Variants in C8orf34 observed in about 807,000 individuals in gnomAD.
C8orf34 encodes the protein chromosome 8 open reading frame 34.
A neutral mutation model predicts 68.3 loss-of-function variants in C8orf34; 65 were observed. The ratio of observed to expected loss-of-function variants is 0.95; its 90% CI spans 0.78 to 1.17. The LOEUF (loss-of-function observed/expected upper bound fraction) is 1.17, where lower values mean the gene tolerates loss of function less well. Among genes scored for constraint, C8orf34 ranks in the 50% most tolerant of loss-of-function variants. The pLI is 0.00. For missense variants in C8orf34, 664 were observed against 655.4 expected (o/e 1.01, Z -0.14); for synonymous variants, 244 against 241.2 (o/e 1.01, Z -0.11).
At chr8:68,550,414 G>A (rs1227085120) in intron 7 of C8orf34, among the ~76,000 whole-genome samples, 1 of 151,442 alleles carries the variant, frequency 6.6e-6, no homozygotes, top group African/African-American at 2.4e-5. Flanking sequence ...TTGTATTATT[G>A]CCATCATTTA....
rs35661495 is a variant in C8orf34 at position 68,466,738 on chromosome 8, C to CATATATATATATATATATAT, written c.608-1946_608-1927dup. ...TTCTGTGAAAATAAACAACGTTGTA[C>CATATATATATATATATATAT]ATATATATATATATATATATATATA... On this transcript the variant is annotated intron_variant, in intron 3 of 13. Coordinates refer to ENST00000518698, the MANE Select transcript of C8orf34 (RefSeq NM_052958.4). 1.1e-3 allele frequency among the ~76,000 whole-genome samples: 134 copies of CATATATATATATATATATAT among 120,526 alleles called. 1 individual carries two copies. Among genetic ancestry groups the CATATATATATATATATATAT allele is most frequent in the African/African-American group, 1.7e-3 (45 of 27,170 alleles). The allele number at this position is 120,526 out of a possible 152,430, so 79.1% of individuals were successfully genotyped here. A position where few individuals can be genotyped will look rare whatever the true frequency, so the allele number is the denominator to read the frequency against.
intron 8 of C8orf34, among the ~76,000 whole-genome samples, chr8:68,647,258 T>G (rs138545792): frequency 3.3e-5 from 5 of 152,136 alleles, no homozygotes; most frequent in African/African-American, 1.2e-4. Context: ...GCCTAACACC[T>G]GATAGAATGG....
chr8:68,333,714 A>C (rs1805728689), intron 1 of C8orf34, among the ~76,000 whole-genome samples: 1 of 152,210 alleles, frequency 6.6e-6, no homozygotes, highest in South Asian at 2.1e-4. Flanking sequence ...CAGCAATCTG[A>C]ACATATTTAG....
chr8:68,509,352 C>T (rs543477108), intron 5 of C8orf34, among the ~76,000 whole-genome samples: 3 of 152,190 alleles, frequency 2.0e-5, no homozygotes, highest in South Asian at 2.1e-4. Context: ...GAGCTAAGGA[C>T]AGCTCAAAAA....
At chr8:68,741,337 T>G (rs1386772251) in intron 10 of C8orf34, among the ~76,000 whole-genome samples, 1 of 152,200 alleles carries the variant, frequency 6.6e-6, no homozygotes, top group East Asian at 1.9e-4. Flanking sequence ...GTTTATATTT[T>G]TGTGGGTACA....
intron 11 of C8orf34, among the ~76,000 whole-genome samples, chr8:68,783,067 CAAAA>C (rs750669752): frequency 7.8e-6 from 1 of 128,918 alleles, no homozygotes. Context: ...GAACATGTCT[CAAAA>C]AAAAAAAAAG....
intron 4 of C8orf34, among the ~76,000 whole-genome samples, chr8:68,474,953 C>T (rs1380523157): frequency 1.3e-5 from 2 of 152,188 alleles, no homozygotes; most frequent in Non-Finnish European, 2.9e-5. Context: ...TGTAGTGGCT[C>T]TAAAGTGAAA....
intron 7 of C8orf34, among the ~76,000 whole-genome samples, chr8:68,622,581 C>CATTG (rs748861223): frequency 3.9e-5 from 6 of 152,102 alleles, no homozygotes; most frequent in Non-Finnish European, 5.9e-5. Context: ...ATAGCAAAGG[C>CATTG]ATTGCAGTAA....
At chr8:68,648,648 C>G (rs766670542) in intron 8 of C8orf34, among the ~76,000 whole-genome samples, 3 of 152,060 alleles carry the variant, frequency 2.0e-5, no homozygotes, top group Non-Finnish European at 4.4e-5. Flanking sequence ...AAAAGGGAGC[C>G]GAAAGCCATT....
intron 1 of C8orf34, among the ~76,000 whole-genome samples, chr8:68,405,038 T>A (rs1219691328): frequency 6.6e-6 from 1 of 152,206 alleles, no homozygotes; most frequent in Admixed American, 6.5e-5. Flanking sequence ...CCTCTCTTAT[T>A]TCCTTGAGCA....
At chr8:68,487,579 A>T (rs1813132228) in intron 4 of C8orf34, among the ~76,000 whole-genome samples, 1 of 152,248 alleles carries the variant, frequency 6.6e-6, no homozygotes, top group African/African-American at 2.4e-5. Flanking sequence ...CTCATCCACA[A>T]ACTAAAGACA....
chr8:68,521,746 C>A, intron 5 of C8orf34, 53 bp from the exon 6 acceptor site: 1 of 1,490,884 alleles, frequency 6.7e-7, no homozygotes, highest in Admixed American at 2.0e-5. Flanking sequence ...TCCCTGTTGT[C>A]CTGTTAATAA....
chr8:68,757,326 A>AT (rs1335014008), intron 10 of C8orf34, among the ~76,000 whole-genome samples: 1 of 152,106 alleles, frequency 6.6e-6, no homozygotes, highest in African/African-American at 2.4e-5. Flanking sequence ...AACAAGTGCG[A>AT]AAGATTAAAA....
chr8:68,626,612 A>G (rs1818543961), intron 7 of C8orf34, among the ~76,000 whole-genome samples: 2 of 152,222 alleles, frequency 1.3e-5, no homozygotes, highest in Non-Finnish European at 2.9e-5. Context: ...AAGAATCAAA[A>G]TATCATCAAC....
At chr8:68,810,831 C>G (rs1349531472) in intron 12 of C8orf34, among the ~76,000 whole-genome samples, 2 of 152,168 alleles carry the variant, frequency 1.3e-5, no homozygotes, top group African/African-American at 4.8e-5. Flanking sequence ...TTGACCAAGT[C>G]TGGCTGAATC....
chr8:68,595,772 T>C (rs1038808935), intron 7 of C8orf34, among the ~76,000 whole-genome samples: 1 of 152,118 alleles, frequency 6.6e-6, no homozygotes, highest in African/African-American at 2.4e-5. Context: ...TTAAAAATTA[T>C]TTTCATCTCT....
chr8:68,741,482 C>A lies in C8orf34; in HGVS notation c.1404+20045C>A, dbSNP rs373515461. ...ATGTTACAAATAATTCAATTATACT[C>A]TTTTAGTTATTTTTAAATGTACAGT... On this transcript the variant is annotated intron_variant, in intron 10 of 13. Coordinates refer to ENST00000518698, the MANE Select transcript of C8orf34 (RefSeq NM_052958.4). 2.0e-5 allele frequency among the ~76,000 whole-genome samples: 3 copies of A among 152,078 alleles called. No individual in the cohort carries two copies. In the East Asian group the frequency reaches 5.8e-4, roughly 29 times the overall value.
intron 11 of C8orf34, among the ~76,000 whole-genome samples, chr8:68,777,825 T>A (rs965115609): frequency 6.6e-6 from 1 of 152,206 alleles, no homozygotes; most frequent in Admixed American, 6.5e-5. Context: ...TATATCTTGC[T>A]TATTCATCTG....
At chr8:68,714,302 A>C (rs1204856062) in intron 9 of C8orf34, among the ~76,000 whole-genome samples, 1 of 152,182 alleles carries the variant, frequency 6.6e-6, no homozygotes, top group African/African-American at 2.4e-5. Flanking sequence ...GTCTGACAAG[A>C]GACGGAGTAA....
Sources: allele counts gnomAD v4.1 joint callset (sites outside exome capture counted in the v4.1 genomes callset), GRCh38; gene constraint gnomAD v4.1.1; transcripts MANE v1.5; gene names NCBI Gene and HGNC (gene_info 2026-07-23, HGNC 2026-07-21).